Variants in CHIC2 observed in about 807,000 individuals in gnomAD.
The protein encoded by CHIC2 is cysteine rich hydrophobic domain 2.
Under a neutral mutation model 25.9 loss-of-function variants are expected in CHIC2, and 14 were observed. The ratio of observed to expected loss-of-function variants is 0.54; its 90% CI spans 0.36 to 0.85. The LOEUF is 0.85. Among genes scored for constraint, CHIC2 ranks in the 40% least tolerant of loss-of-function variants. The pLI, the probability that CHIC2 is intolerant of heterozygous loss-of-function variation, is 0.01. For synonymous variants in CHIC2, 70 were observed against 72.0 expected (o/e 0.97, Z 0.14); for missense variants, 146 against 202.0 (o/e 0.72, Z 1.68).
chr4:54,082,508 C>T, the CHIC2 span, among the ~76,000 whole-genome samples: 1 of 152,102 alleles, frequency 6.6e-6, no homozygotes, highest in Non-Finnish European at 1.5e-5. Context: ...TGTCTGAACC[C>T]TCCATCAGGA....
rs1039576876 is a variant in CHIC2, at chr4:54,024,906, A to G, written c.331-10787T>C. ...TATATGACAAATGTTTCTTCTAACA[A>G]CCCCACAATATCACCCCTTACCACA... On this transcript the variant is annotated intron_variant, in intron 3 of 5. Coordinates refer to ENST00000263921, the MANE Select transcript of CHIC2 (RefSeq NM_012110.4). Among the ~76,000 whole-genome samples the G allele has an allele frequency of 2.6e-5, 4 of 152,124 alleles. No individual in the cohort carries two copies. The South Asian group carries it at 6.2e-4, about 24-fold the overall frequency.
At chr4:54,087,112 G>A in the CHIC2 span, 1 of 907,054 alleles carries the variant, frequency 1.1e-6, no homozygotes, top group South Asian at 1.3e-5. Context: ...GCTCTGCAGA[G>A]AACTTCTTAG....
At chr4:54,051,833 T>C (rs1717015161) in intron 1 of CHIC2, among the ~76,000 whole-genome samples, 6 of 152,302 alleles carry the variant, frequency 3.9e-5, no homozygotes, top group Admixed American at 3.3e-4. Context: ...CAATGTCTGA[T>C]GGCATCTATT....
intron 3 of CHIC2, among the ~76,000 whole-genome samples, chr4:54,031,610 G>A (rs1004733253): frequency 7.3e-6 from 1 of 136,672 alleles, no homozygotes; most frequent in Non-Finnish European, 1.6e-5. Context: ...AGATGTACTT[G>A]CTTTTTTTTT....
In CHIC2 at chr4:54,064,342, G is replaced by A. The variant is rs1295375768; in HGVS notation, c.-42C>T. 6.2e-7 allele frequency: 1 copy of A among 1,610,508 alleles called. No homozygotes were observed. Among genetic ancestry groups the A allele is most frequent in the Non-Finnish European group, 8.5e-7 (1 of 1,178,256 alleles). On this transcript the variant is annotated 5_prime_UTR_variant, in exon 1 of 6. Coordinates refer to ENST00000263921, the MANE Select transcript of CHIC2 (RefSeq NM_012110.4). The surrounding 1 kb of genome is among the most constrained non-coding windows in gnomAD (Gnocchi z 4.2). Reference sequence around the variant, plus strand: ...CCCCTGCCCAAAGGGCCTGACTCCCGGGGTTGGCGCCGGGGTACCGGCGGG... The same window carrying A: ...CCCCTGCCCAAAGGGCCTGACTCCCAGGGTTGGCGCCGGGGTACCGGCGGG...
chr4:54,024,457 C>T (rs540523381), intron 3 of CHIC2, among the ~76,000 whole-genome samples: 2 of 152,252 alleles, frequency 1.3e-5, no homozygotes, highest in African/African-American at 4.8e-5. Context: ...ACTACCTCTC[C>T]CCAGCTATCT....
chr4:54,056,452 T>C (rs1717179043), intron 1 of CHIC2, among the ~76,000 whole-genome samples: 2 of 152,136 alleles, frequency 1.3e-5, no homozygotes, highest in Admixed American at 1.3e-4. Flanking sequence ...CTAACAAAAA[T>C]ACTCATTTCA....
chr4:54,072,570 T>G, the CHIC2 span, among the ~76,000 whole-genome samples: 1 of 152,196 alleles, frequency 6.6e-6, no homozygotes, highest in Non-Finnish European at 1.5e-5. Context: ...ATATTGAGCA[T>G]ATACAAAAAT....
the CHIC2 span, among the ~76,000 whole-genome samples, chr4:54,082,946 A>G: frequency 1.3e-4 from 19 of 149,942 alleles, no homozygotes; most frequent in African/African-American, 3.7e-4. Flanking sequence ...TGCTTCAAAT[A>G]TTATATATGC....
intron 3 of CHIC2, among the ~76,000 whole-genome samples, chr4:54,026,239 GT>G (rs1000149790): frequency 6.6e-6 from 1 of 150,804 alleles, no homozygotes; most frequent in Non-Finnish European, 1.5e-5. Flanking sequence ...CAATTTTTTT[GT>G]TTTTTTTTGT....
the CHIC2 span, among the ~76,000 whole-genome samples, chr4:54,091,416 C>T: frequency 6.6e-6 from 1 of 152,148 alleles, no homozygotes; most frequent in Admixed American, 6.5e-5. Flanking sequence ...TCTCTACGCA[C>T]GTTCTCACAC....
At chr4:54,070,361 A>AT in the CHIC2 span, among the ~76,000 whole-genome samples, 1 of 152,146 alleles carries the variant, frequency 6.6e-6, no homozygotes, top group Non-Finnish European at 1.5e-5. Flanking sequence ...AGGCAGTGAC[A>AT]TTATCAGATG....
At chr4:54,031,459 T>C (rs1321744280) in intron 3 of CHIC2, among the ~76,000 whole-genome samples, 2 of 152,040 alleles carry the variant, frequency 1.3e-5, no homozygotes, top group Non-Finnish European at 2.9e-5. Context: ...GAACACCAAG[T>C]AGATGCTAGG....
chr4:54,081,207 C>T, the CHIC2 span, among the ~76,000 whole-genome samples: 20 of 151,510 alleles, frequency 1.3e-4, no homozygotes, highest in African/African-American at 3.9e-4. Context: ...CCAGGCTGGC[C>T]TTGAACTCCT....
rs373952281 is a variant in CHIC2 at position 54,058,645 on chromosome 4, C to T, written c.119+5537G>A. On this transcript the variant is annotated intron_variant, in intron 1 of 5. Transcript: ENST00000263921. ...GGATACTTAAGAGCATCTGTTGCTA[C>T]ATGTTATATTTAAAGCTTAATTTTA... Among the ~76,000 whole-genome samples the T allele has an allele frequency of 1.3e-4, 20 of 151,312 alleles. 1 individual carries two copies. Among genetic ancestry groups the T allele is most frequent in the East Asian group, 9.7e-4 (5 of 5,160 alleles).
chr4:54,030,710 C>T (rs745345152), intron 3 of CHIC2, among the ~76,000 whole-genome samples: 3 of 146,256 alleles, frequency 2.1e-5, no homozygotes, highest in South Asian at 2.2e-4. Context: ...TCTTGTTGCC[C>T]AGGCTGGAGT....
At chr4:54,060,018 A>C (rs1247384043) in intron 1 of CHIC2, 3 of 152,180 alleles carry the variant, frequency 2.0e-5, no homozygotes, top group Non-Finnish European at 4.4e-5. Context: ...GTTTAACAAA[A>C]TTGTTTTATT....
intron 3 of CHIC2, among the ~76,000 whole-genome samples, chr4:54,029,635 T>A (rs7671810): frequency 0.06 from 9,082 of 152,172 alleles, 900 homozygotes; most frequent in African/African-American, 0.2. Context: ...AATATCTGTA[T>A]TATGTTGTTA....
intron 1 of CHIC2, among the ~76,000 whole-genome samples, chr4:54,059,146 T>C (rs1020150259): frequency 2.4e-4 from 37 of 152,316 alleles, no homozygotes; most frequent in African/African-American, 7.9e-4. Flanking sequence ...CATAGAATTT[T>C]TTCTTCACAT....
Sources: gnomAD v4.1 joint callset for allele counts (sites outside exome capture counted in the v4.1 genomes callset) on GRCh38, gnomAD v4.1.1 for gene constraint, Gnocchi (gnomAD v3.1) non-coding constraint, MANE v1.5 for transcripts, NCBI Gene and HGNC (gene_info 2026-07-23, HGNC 2026-07-21) for gene names.